Variants in GRM7 observed in about 807,000 individuals in gnomAD.
GRM7 encodes glutamate metabotropic receptor 7.
GRM7 carries 35 observed loss-of-function variants against 84.5 expected under a neutral mutation model. That is an observed-to-expected ratio of 0.41 (90% CI 0.32 to 0.55). The LOEUF (loss-of-function observed/expected upper bound fraction) is 0.55, where lower values mean the gene tolerates loss of function less well. Among genes scored for constraint, GRM7 ranks in the 20% least tolerant of loss-of-function variants. The pLI is 0.19. For missense variants in GRM7, 1,003 were observed against 1,194.6 expected (o/e 0.84, Z 2.36); for synonymous variants, 487 against 455.1 (o/e 1.07, Z -0.89).
At chr3:6,889,564 G>T (rs779110389) in intron 1 of GRM7, among the ~76,000 whole-genome samples, 1 of 152,112 alleles carries the variant, frequency 6.6e-6, no homozygotes, top group Non-Finnish European at 1.5e-5. Context: ...AACCAGCCTT[G>T]CATCCCAGGG....
intron 4 of GRM7, among the ~76,000 whole-genome samples, chr3:7,386,768 C>T (rs989539595): frequency 3.9e-5 from 6 of 152,070 alleles, no homozygotes; most frequent in African/African-American, 1.2e-4. Flanking sequence ...GATTTATTTT[C>T]CTTTGGGCAT....
intron 2 of GRM7, among the ~76,000 whole-genome samples, chr3:7,277,071 G>C (rs1175945167): frequency 6.6e-6 from 1 of 151,808 alleles, no homozygotes; most frequent in African/African-American, 2.4e-5. Flanking sequence ...TGGAACTATT[G>C]CACATAGCCA....
chr3:7,657,896 A>T (rs1350301631), intron 8 of GRM7, among the ~76,000 whole-genome samples: 1 of 152,208 alleles, frequency 6.6e-6, no homozygotes, highest in East Asian at 1.9e-4. Flanking sequence ...TGGCAGCTAA[A>T]GGAAACACTC....
chr3:7,413,511 A>T (rs13084934), intron 4 of GRM7, among the ~76,000 whole-genome samples: 54,823 of 152,074 alleles, frequency 0.36, 11,116 homozygotes, highest in Non-Finnish European at 0.48. Flanking sequence ...AATAATATCC[A>T]TTTGACCTCT....
At chr3:6,962,542 A>G (rs1403840742) in intron 1 of GRM7, among the ~76,000 whole-genome samples, 1 of 152,222 alleles carries the variant, frequency 6.6e-6, no homozygotes, top group Non-Finnish European at 1.5e-5. Context: ...TCAACAGTCA[A>G]TGAGGACAAT....
At chr3:7,307,565 T>C (rs1156720765) in intron 4 of GRM7, among the ~76,000 whole-genome samples, 1 of 152,224 alleles carries the variant, frequency 6.6e-6, no homozygotes, top group Non-Finnish European at 1.5e-5. Flanking sequence ...TGTAGGCTTT[T>C]TAGACAAATC....
chr3:7,276,460 C>T (rs1699060780), intron 2 of GRM7, among the ~76,000 whole-genome samples: 1 of 151,894 alleles, frequency 6.6e-6, no homozygotes. Context: ...ACCCCAGGAA[C>T]TCTGTAAGGT....
At chr3:7,379,340 G>C (rs187968804) in intron 4 of GRM7, among the ~76,000 whole-genome samples, 4 of 152,032 alleles carry the variant, frequency 2.6e-5, no homozygotes, top group African/African-American at 9.7e-5. Flanking sequence ...CACTTCAACC[G>C]CCTAGGCCTC....
At chr3:6,887,977 G>A (rs1350881097) in intron 1 of GRM7, among the ~76,000 whole-genome samples, 23 of 152,108 alleles carry the variant, frequency 1.5e-4, no homozygotes, top group Non-Finnish European at 2.4e-4. Context: ...TTCTCTTATG[G>A]CCAGTGATGG....
At chr3:7,437,071 G>A (rs1697087737) in intron 5 of GRM7, among the ~76,000 whole-genome samples, 1 of 152,128 alleles carries the variant, frequency 6.6e-6, no homozygotes, top group Non-Finnish European at 1.5e-5. Flanking sequence ...CCTGTAGCAT[G>A]ACTTTTATTA....
chr3:7,229,724 CACATATATATAT>C (rs1219726915), intron 2 of GRM7, among the ~76,000 whole-genome samples: 1 of 25,998 alleles, frequency 3.8e-5, no homozygotes, highest in African/African-American at 1.5e-4. Flanking sequence ...CATAGACACA[CACATATATATAT>C]ATATATATAT....
At chr3:7,527,009 G>A (rs1489602399) in intron 7 of GRM7, among the ~76,000 whole-genome samples, 1 of 151,552 alleles carries the variant, frequency 6.6e-6, no homozygotes, top group African/African-American at 2.4e-5. Context: ...TGTCTGTTGT[G>A]GCTCTTTTTA....
intron 2 of GRM7, among the ~76,000 whole-genome samples, chr3:7,294,428 T>A (rs906845644): frequency 1.3e-5 from 2 of 152,334 alleles, no homozygotes; most frequent in Non-Finnish European, 2.9e-5. Context: ...GGAGGAATCA[T>A]GGCATTGAGA....
At chr3:6,995,699 A>C (rs1261855641) in intron 1 of GRM7, among the ~76,000 whole-genome samples, 1 of 152,248 alleles carries the variant, frequency 6.6e-6, no homozygotes, top group Non-Finnish European at 1.5e-5. Flanking sequence ...TTTTTAAAGC[A>C]GGCTGAACAT....
chr3:7,361,569 C>T (rs1163705919), intron 4 of GRM7, among the ~76,000 whole-genome samples: 4 of 151,962 alleles, frequency 2.6e-5, no homozygotes, highest in Admixed American at 1.3e-4. Context: ...CCTGTGGTTC[C>T]GAAGACCCCC....
intron 8 of GRM7, among the ~76,000 whole-genome samples, chr3:7,600,106 T>G (rs1248729312): frequency 1.3e-5 from 2 of 152,150 alleles, no homozygotes; most frequent in Non-Finnish European, 2.9e-5. Flanking sequence ...GGCATCCATT[T>G]TCATAGCTAA....
intron 1 of GRM7, among the ~76,000 whole-genome samples, chr3:6,943,729 G>C (rs1697966907): frequency 6.6e-6 from 1 of 151,958 alleles, no homozygotes; most frequent in South Asian, 2.1e-4. Context: ...AAAATCACCT[G>C]TTGGGTTATG....
At chr3:7,543,268 T>G (rs1214031165) in intron 7 of GRM7, among the ~76,000 whole-genome samples, 3 of 152,212 alleles carry the variant, frequency 2.0e-5, no homozygotes, top group Non-Finnish European at 4.4e-5. Flanking sequence ...ACATTGTCTG[T>G]CAAACAGGGT....
At position 7,579,127 on chromosome 3, in the gene GRM7, G is replaced by C; in HGVS notation, c.2221G>C (p.Glu741Gln). The change falls in exon 8 of 10, where the codon GAG becomes CAG. Residue 741 changes from glutamate to glutamine, a missense_variant. By Grantham distance (29) the Glu-to-Gln change is conservative. Transcript: ENST00000357716. Reference protein sequence around the residue: ...DYDEHKTMNPEQARGVLKCDI... With the variant: ...DYDEHKTMNPQQARGVLKCDI... Reference sequence around the variant, plus strand: ...TGATGAACACAAGACAATGAACCCTGAGCAAGCCAGAGGGGTTCTCAAGTG... The same window carrying C: ...TGATGAACACAAGACAATGAACCCTCAGCAAGCCAGAGGGGTTCTCAAGTG... The C allele has an allele frequency of 1.9e-6, 3 of 1,613,822 alleles. No homozygotes were observed. The highest frequency in any genetic ancestry group is 2.5e-6 in the Non-Finnish European group (3 of 1,179,794).
Sources: allele counts gnomAD v4.1 joint callset (sites outside exome capture counted in the v4.1 genomes callset), GRCh38; gene constraint gnomAD v4.1.1; transcripts MANE v1.5; gene names NCBI Gene and HGNC (gene_info 2026-07-23, HGNC 2026-07-21).